Variants in SLC9D1 observed in about 807,000 individuals in gnomAD.
SLC9D1 encodes solute carrier family 9 member D1.
At chr13:113,510,363 CT>C in the SLC9D1 span, 1 of 1,614,072 alleles carries the variant, frequency 6.2e-7, no homozygotes, top group Non-Finnish European at 8.5e-7. Flanking sequence ...CGTGTCTGTC[CT>C]TGTCAAGCAC....
the SLC9D1 span, among the ~76,000 whole-genome samples, chr13:113,506,755 T>G: frequency 6.6e-6 from 1 of 152,160 alleles, no homozygotes; most frequent in Non-Finnish European, 1.5e-5. Flanking sequence ...TGGCTCTGCA[T>G]TTTCATAGTT....
the SLC9D1 span, among the ~76,000 whole-genome samples, chr13:113,502,556 C>G: frequency 1.3e-5 from 2 of 152,208 alleles, no homozygotes; most frequent in Non-Finnish European, 2.9e-5. Flanking sequence ...CATGGAAAAG[C>G]TGATTAGCCC....
the SLC9D1 span, chr13:113,504,629 C>G: frequency 3.3e-5 from 5 of 152,234 alleles, no homozygotes; most frequent in Admixed American, 1.3e-4. Flanking sequence ...GAATAATGGT[C>G]TCCAGTTCCA....
the SLC9D1 span, among the ~76,000 whole-genome samples, chr13:113,507,580 T>C: frequency 6.6e-6 from 1 of 152,224 alleles, no homozygotes; most frequent in South Asian, 2.1e-4. Flanking sequence ...CCGTGCATAG[T>C]GCTGAGGAAA....
chr13:113,491,610 C>G, the SLC9D1 span, among the ~76,000 whole-genome samples: 2 of 152,182 alleles, frequency 1.3e-5, no homozygotes, highest in East Asian at 3.9e-4. Context: ...GTCGGGTGGT[C>G]TGTGTGGCCT....
the SLC9D1 span, among the ~76,000 whole-genome samples, chr13:113,518,721 A>G: frequency 6.6e-6 from 1 of 152,184 alleles, no homozygotes; most frequent in Non-Finnish European, 1.5e-5. Flanking sequence ...CTGATCTGTG[A>G]AGCCTCCGCA....
chr13:113,505,518 G>T, the SLC9D1 span: 1 of 152,202 alleles, frequency 6.6e-6, no homozygotes, highest in African/African-American at 2.4e-5. Context: ...AGTAACAAGA[G>T]CATCAGCAAC....
chr13:113,540,827 C>G, the SLC9D1 span, among the ~76,000 whole-genome samples: 1 of 152,186 alleles, frequency 6.6e-6, no homozygotes, highest in Non-Finnish European at 1.5e-5. Context: ...GGTTTTCTTA[C>G]AGGGATTTTA....
At chr13:113,519,552 T>C in the SLC9D1 span, among the ~76,000 whole-genome samples, 3 of 152,364 alleles carry the variant, frequency 2.0e-5, no homozygotes, top group South Asian at 6.2e-4. Flanking sequence ...CCTTAGTCTC[T>C]TCAGCTAGTC....
the SLC9D1 span, chr13:113,550,015 G>T: frequency 4.0e-6 from 1 of 247,088 alleles, no homozygotes; most frequent in South Asian, 6.2e-5. Context: ...GCTTACTTTT[G>T]ATTCTTAAAG....
chr13:113,518,722 A>T, the SLC9D1 span, among the ~76,000 whole-genome samples: 1 of 152,202 alleles, frequency 6.6e-6, no homozygotes. Flanking sequence ...TGATCTGTGA[A>T]GCCTCCGCAT....
chr13:113,522,530 C>CG, the SLC9D1 span, among the ~76,000 whole-genome samples: 1 of 152,052 alleles, frequency 6.6e-6, no homozygotes, highest in African/African-American at 2.4e-5. Flanking sequence ...TTAGTAGAGA[C>CG]GGGGTTCCAC....
the SLC9D1 span, among the ~76,000 whole-genome samples, chr13:113,522,501 C>T: frequency 6.6e-6 from 1 of 152,146 alleles, no homozygotes; most frequent in African/African-American, 2.4e-5. Flanking sequence ...CCACCAAGCC[C>T]GGCCAATTTT....
At chr13:113,548,850 C>T in the SLC9D1 span, among the ~76,000 whole-genome samples, 11 of 152,168 alleles carry the variant, frequency 7.2e-5, no homozygotes, top group South Asian at 2.1e-4. Context: ...CCTGGGCATT[C>T]GGACTCACGG....
At chr13:113,508,302 T>C in the SLC9D1 span, among the ~76,000 whole-genome samples, 1 of 152,218 alleles carries the variant, frequency 6.6e-6, no homozygotes, top group Non-Finnish European at 1.5e-5. Context: ...CTCAACTCCA[T>C]GTGTCCCTTG....
the SLC9D1 span, chr13:113,527,875 G>A: frequency 6.6e-6 from 1 of 152,196 alleles, no homozygotes; most frequent in Non-Finnish European, 1.5e-5. Context: ...TGTTCAGGCA[G>A]ATGAATTCTG....
At chr13:113,499,313 T>C in the SLC9D1 span, among the ~76,000 whole-genome samples, 2 of 152,226 alleles carry the variant, frequency 1.3e-5, no homozygotes. Context: ...TTGTGGCCTG[T>C]ATCTTGTGAT....
the SLC9D1 span, chr13:113,529,846 C>A: frequency 6.6e-6 from 1 of 152,176 alleles, no homozygotes; most frequent in African/African-American, 2.4e-5. Flanking sequence ...CCTGATACCA[C>A]AGAGTTACAC....
the SLC9D1 span, among the ~76,000 whole-genome samples, chr13:113,497,335 T>C: frequency 6.6e-6 from 1 of 150,682 alleles, no homozygotes; most frequent in African/African-American, 2.5e-5. Context: ...TGCAGCTGTG[T>C]GTGAGATCTG....
Sources: gnomAD v4.1 joint callset for allele counts (sites outside exome capture counted in the v4.1 genomes callset) on GRCh38, gnomAD v4.1.1 for gene constraint, MANE v1.5 for transcripts, NCBI Gene and HGNC (gene_info 2026-07-23, HGNC 2026-07-21) for gene names.